Variants in FUS observed in about 807,000 individuals in gnomAD.
FUS encodes FUS RNA binding protein.
Under a neutral mutation model 82.7 loss-of-function variants are expected in FUS, and 5 were observed. The observed-to-expected ratio is 0.06, with a 90% confidence interval of 0.03 to 0.13. The LOEUF is 0.13. Among genes scored for constraint, FUS ranks in the 10% least tolerant of loss-of-function variants. The pLI is 1.00. For missense variants in FUS, 512 were observed against 707.8 expected (o/e 0.72, Z 3.14); for synonymous variants, 281 against 247.4 (o/e 1.14, Z -1.27).
In FUS at chr16:31,184,935, A is replaced by T; in HGVS notation, c.524-4A>T. 6.2e-7 allele frequency: 1 copy of T among 1,609,498 alleles called. No homozygotes were observed. The stretch of plus-strand genomic sequence containing the variant: ...TTTTTTAATCATTCTTTCTTTTCTC[A>T]CAGGTAACTATGGCCAAGATCAATC... On this transcript the variant is annotated splice_region_variant and splice_polypyrimidine_tract_variant and intron_variant, in intron 5 of 14. Coordinates refer to ENST00000254108, the MANE Select transcript of FUS (RefSeq NM_004960.4).
intron 10 of FUS, 70 bp from the exon 11 acceptor site, chr16:31,189,969 AC>A: frequency 6.4e-7 from 1 of 1,557,358 alleles, no homozygotes; most frequent in Non-Finnish European, 8.8e-7. Flanking sequence ...TGAGAAAGGC[AC>A]GCTTCTCTTG....
rs540203839 is a variant in FUS, at chr16:31,189,557, A to C, written c.937-108A>C. The C allele has an allele frequency of 1.0e-4, 146 of 1,454,746 alleles. No homozygotes were observed. The African/African-American group carries it at 1.8e-3, about 18-fold the overall frequency. 90.1% of individuals were successfully genotyped at this position (1,454,746 alleles called of 1,614,324 possible). ...GAGGTAGGAAGAAGTAACTGGGAAG[A>C]GGGGAGCTGAAGTTTGGGAATTATA... On this transcript the variant is annotated intron_variant, in intron 9 of 14. Coordinates refer to ENST00000254108, the MANE Select transcript of FUS (RefSeq NM_004960.4).
Position 31,180,148 on chromosome 16 carries a change from T to C in FUS, c.-67T>C, listed in dbSNP as rs767490389. ...CGCAGGAGGCGGGGCTGCTCAGTCC[T>C]CCAGGCGTCGGTACTCAGCGGTGTT... On this transcript the variant is annotated 5_prime_UTR_variant, in exon 1 of 15. Coordinates refer to ENST00000254108, the MANE Select transcript of FUS (RefSeq NM_004960.4). 6.3e-7 allele frequency: 1 copy of C among 1,588,032 alleles called. No homozygotes were observed. The highest frequency in any genetic ancestry group is 1.1e-5 in the South Asian group (1 of 87,908).
chr16:31,187,351 A>G (rs2079285973), intron 7 of FUS: 2 of 249,098 alleles, frequency 8.0e-6, no homozygotes, highest in Admixed American at 4.8e-5. Context: ...TTCTATGTAT[A>G]TGGACTTAAC....
At chr16:31,183,370 A>G (rs1034794586) in intron 3 of FUS, 1 of 163,966 alleles carries the variant, frequency 6.1e-6, no homozygotes. Flanking sequence ...GACTCTTCTT[A>G]TTTTCCATCA....
intron 2 of FUS, 33 bp downstream of exon 2, chr16:31,182,455 A>G: frequency 6.2e-7 from 1 of 1,614,198 alleles, no homozygotes; most frequent in South Asian, 1.1e-5. Context: ...CAGAGTTTGT[A>G]GAGGGCAAGG....
chr16:31,181,710 G>A (rs2079182164), intron 1 of FUS, among the ~76,000 whole-genome samples: 1 of 152,186 alleles, frequency 6.6e-6, no homozygotes, highest in African/African-American at 2.4e-5. Context: ...CTGCGACGTT[G>A]GGAGAGTTAG....
intron 8 of FUS, 52 bp from the exon 9 acceptor site, chr16:31,189,069 CTG>C: frequency 7.2e-7 from 1 of 1,386,980 alleles, no homozygotes; most frequent in East Asian, 2.3e-5. Context: ...AGGTTTTTTC[CTG>C]TGTTTTTTAT....
At chr16:31,182,739 C>T (rs758815672) in intron 3 of FUS, 75 bp downstream of exon 3, 41 of 1,584,784 alleles carry the variant, frequency 2.6e-5, no homozygotes, top group African/African-American at 5.4e-5. Flanking sequence ...TTTTTGGAGA[C>T]GGAGTCTGGT....
chr16:31,186,493 GA>G (rs952189238), intron 6 of FUS: 41 of 471,836 alleles, frequency 8.7e-5, no homozygotes, highest in African/African-American at 1.2e-4. Context: ...GCGACAAGAG[GA>G]AAAAAAAACA....
intron 12 of FUS, 165 bp downstream of exon 12, chr16:31,190,563 G>A: frequency 8.3e-7 from 1 of 1,210,856 alleles, no homozygotes; most frequent in Admixed American, 1.7e-5. Flanking sequence ...TAATGGGAAA[G>A]GTAATGGATT....
intron 12 of FUS, 83 bp from the exon 13 acceptor site, chr16:31,190,659 C>G (rs139406937): frequency 1.6e-4 from 215 of 1,365,518 alleles, no homozygotes; most frequent in Admixed American, 2.4e-4. Flanking sequence ...CACTGTATCT[C>G]TAAAGTCACC....
chr16:31,190,963 G>T lies in FUS; in HGVS notation c.1394G>T (p.Gly465Val). The change falls in exon 14 of 15, where the codon GGG becomes GTG. Residue 465 changes from glycine to valine, a missense_variant and splice_region_variant. Physicochemically the swap from Gly to Val is moderately radical, Grantham distance 109. Around this residue, in one of 6 missense-constraint regions of FUS, gnomAD observed 96 missense variants for 120.7 expected, o/e 0.80. Coordinates refer to ENST00000254108, the MANE Select transcript of FUS (RefSeq NM_004960.4). ...PGGGPGGSHM[G>V]GNYGDDRRGG... Reference sequence around the variant, plus strand: ...ATAGATCTTGTTTCTTTTGTCCTAGGGGGTAACTACGGGGATGATCGTCGT... The same window carrying T: ...ATAGATCTTGTTTCTTTTGTCCTAGTGGGTAACTACGGGGATGATCGTCGT... The T allele has an allele frequency of 6.2e-7, 1 of 1,612,512 alleles. No homozygotes were observed. The highest frequency in any genetic ancestry group is 8.5e-7 in the Non-Finnish European group (1 of 1,178,914).
intron 9 of FUS, 144 bp downstream of exon 9, chr16:31,189,370 G>C: frequency 1.2e-6 from 1 of 810,376 alleles, no homozygotes; most frequent in South Asian, 1.4e-5. Flanking sequence ...TGAGGAAAGA[G>C]CCTTAGTTAC....
downstream of FUS, chr16:31,194,294 A>AT (rs375892764): frequency 0.15 from 60,126 of 400,406 alleles, 46 homozygotes; most frequent in South Asian, 0.22. Flanking sequence ...TCCTTTTTAA[A>AT]TTTTTTTTTT....
chr16:31,188,169 A>G, intron 7 of FUS, 156 bp from the exon 8 acceptor site: 6 of 757,316 alleles, frequency 7.9e-6, no homozygotes, highest in South Asian at 3.4e-5. Context: ...CGACCCAGGA[A>G]AGGGTTTGGA....
intron 10 of FUS, 44 bp from the exon 11 acceptor site, chr16:31,189,996 G>T: frequency 6.3e-7 from 1 of 1,576,448 alleles, no homozygotes; most frequent in Non-Finnish European, 8.7e-7. Flanking sequence ...TCGGATTAAT[G>T]TGTCTTGCAT....
At position 31,181,514 on chromosome 16, in the gene FUS, T is replaced by C. The variant is rs148513485; in HGVS notation, c.14-884T>C. On this transcript the variant is annotated intron_variant, in intron 1 of 14. Transcript: ENST00000254108. ...GCGAGCAGTTGCATGATCTCTGTCA[T>C]TTGGGGTCCAAGGGCTCTTTTGATT... Among the ~76,000 whole-genome samples the C allele has an allele frequency of 8.2e-3, 1,252 of 152,314 alleles. 10 individuals carry two copies. The highest frequency in any genetic ancestry group is 0.013 in the Non-Finnish European group (910 of 68,028).
chr16:31,185,098 G>GCGGCGT lies in FUS; in HGVS notation c.686_687insCGTCGG (p.Gly229_Gly230insValGly), dbSNP rs1190715524. On this transcript the variant is annotated inframe_insertion, in exon 6 of 15. Transcript: ENST00000254108. ...GGCAGTGGTGGCGGCGGCGGCGGCG[G>GCGGCGT]CGGTGGTGGTTACAACCGCAGCAGT... The GCGGCGT allele has an allele frequency of 1.2e-6, 2 of 1,606,520 alleles. No individual in the cohort carries two copies. Among genetic ancestry groups the GCGGCGT allele is most frequent in the Admixed American group, 3.4e-5 (2 of 58,324 alleles).
Sources: allele counts gnomAD v4.1 joint callset (sites outside exome capture counted in the v4.1 genomes callset), GRCh38; gene constraint gnomAD v4.1.1; regional missense constraint gnomAD v4.1.1; transcripts MANE v1.5; gene names NCBI Gene and HGNC (gene_info 2026-07-23, HGNC 2026-07-21).